NEGR1: variants seen among roughly 807,000 people sequenced by gnomAD.
The protein encoded by NEGR1 is IgLON family member 4.
Under a neutral mutation model 40.9 loss-of-function variants are expected in NEGR1, and 10 were observed. The observed-to-expected ratio is 0.24, with a 90% confidence interval of 0.15 to 0.42. NEGR1 has a LOEUF of 0.42. Among genes scored for constraint, NEGR1 ranks in the 10% least tolerant of loss-of-function variants. NEGR1 has a pLI of 1.00. For missense variants in NEGR1, 352 were observed against 438.9 expected, an observed-to-expected ratio of 0.80 and a Z score of 1.77; for synonymous variants, 185 against 166.8, an observed-to-expected ratio of 1.11 and a Z score of -0.84.
chr1:71,652,999 G>C (rs562864953), intron 4 of NEGR1, among the ~76,000 whole-genome samples: 2 of 152,212 alleles, frequency 1.3e-5, no homozygotes, highest in South Asian at 2.1e-4. Flanking sequence ...GGTATTCACT[G>C]ACTCATTGAC....
chr1:71,420,537 A>G (rs1028881122), intron 6 of NEGR1, among the ~76,000 whole-genome samples: 1 of 152,048 alleles, frequency 6.6e-6, no homozygotes, highest in Non-Finnish European at 1.5e-5. Context: ...TTTTTACAAA[A>G]TCATATGTTA....
chr1:72,206,903 A>G (rs1465720114), intron 1 of NEGR1, among the ~76,000 whole-genome samples: 1 of 152,000 alleles, frequency 6.6e-6, no homozygotes, highest in Non-Finnish European at 1.5e-5. Flanking sequence ...TTGCAGTGGT[A>G]TGAAAAGTAA....
intron 4 of NEGR1, among the ~76,000 whole-genome samples, chr1:71,647,237 C>A (rs1204165758): frequency 6.6e-6 from 1 of 151,844 alleles, no homozygotes; most frequent in East Asian, 1.9e-4. Context: ...TTCTTGAGAA[C>A]CAACTGGGTC....
chr1:71,466,385 C>G (rs1382857549), intron 6 of NEGR1, among the ~76,000 whole-genome samples: 4 of 152,044 alleles, frequency 2.6e-5, no homozygotes, highest in Non-Finnish European at 5.9e-5. Context: ...CAGGCATTTA[C>G]TTAACAAAAC....
intron 1 of NEGR1, among the ~76,000 whole-genome samples, chr1:72,252,751 C>A (rs1043203672): frequency 6.6e-6 from 1 of 152,022 alleles, no homozygotes; most frequent in African/African-American, 2.4e-5. Flanking sequence ...CATTAGGACC[C>A]ATGTCCATTT....
chr1:71,728,700 C>T (rs1654756046), intron 3 of NEGR1, among the ~76,000 whole-genome samples: 1 of 152,116 alleles, frequency 6.6e-6, no homozygotes, highest in Non-Finnish European at 1.5e-5. Flanking sequence ...AAGAAAGGAA[C>T]ATTGATTGCC....
At chr1:71,896,476 A>AT (rs1364845816) in intron 2 of NEGR1, among the ~76,000 whole-genome samples, 32 of 152,098 alleles carry the variant, frequency 2.1e-4, no homozygotes, top group Admixed American at 2.1e-3. Context: ...TAATACAAAT[A>AT]TTTTCTCCCA....
At chr1:72,090,352 A>ATTC (rs2100543055) in intron 1 of NEGR1, among the ~76,000 whole-genome samples, 1 of 146,766 alleles carries the variant, frequency 6.8e-6, no homozygotes, top group East Asian at 1.9e-4. Flanking sequence ...TTATAAAATA[A>ATTC]TTCTTTTTTT....
chr1:72,076,029 T>C (rs1049773127), intron 1 of NEGR1, among the ~76,000 whole-genome samples: 1 of 152,138 alleles, frequency 6.6e-6, no homozygotes, highest in African/African-American at 2.4e-5. Flanking sequence ...CCAAATAATA[T>C]AAGTAAAACA....
At chr1:72,120,477 T>A (rs1463839272) in intron 1 of NEGR1, among the ~76,000 whole-genome samples, 2 of 151,968 alleles carry the variant, frequency 1.3e-5, no homozygotes, top group Non-Finnish European at 2.9e-5. Context: ...TAATGTTTTA[T>A]ATATCTGCAC....
At chr1:72,174,208 C>A (rs949087619) in intron 1 of NEGR1, among the ~76,000 whole-genome samples, 1 of 152,054 alleles carries the variant, frequency 6.6e-6, no homozygotes, top group African/African-American at 2.4e-5. Context: ...AGGTTCACAG[C>A]CAAACTGAGT....
chr1:72,108,525 C>G (rs1327723450), intron 1 of NEGR1, among the ~76,000 whole-genome samples: 1 of 151,452 alleles, frequency 6.6e-6, no homozygotes, highest in Non-Finnish European at 1.5e-5. Flanking sequence ...AATGACTCAT[C>G]ATAATTCATT....
intron 1 of NEGR1, among the ~76,000 whole-genome samples, chr1:72,080,389 T>A (rs539937972): frequency 1.1e-4 from 16 of 152,166 alleles, no homozygotes; most frequent in African/African-American, 3.6e-4. Context: ...ATTTAATGAT[T>A]TTTATGTTCT....
chr1:71,541,107 C>T (rs942019291), intron 6 of NEGR1, among the ~76,000 whole-genome samples: 1 of 151,592 alleles, frequency 6.6e-6, no homozygotes, highest in Non-Finnish European at 1.5e-5. Flanking sequence ...GAGATTTAAG[C>T]GGGGACAAAT....
chr1:71,915,677 G>A lies in NEGR1; in HGVS notation c.409+19402C>T, dbSNP rs115792233. ...GTGGCAGAGCCAAGGTCCACGTTCA[G>A]ATAAGTCTTACTCCAGCACGTTCAT... On this transcript the variant is annotated intron_variant, in intron 2 of 6. Coordinates refer to ENST00000357731, the MANE Select transcript of NEGR1 (RefSeq NM_173808.3). 7.3e-3 allele frequency among the ~76,000 whole-genome samples: 1,117 copies of A among 152,208 alleles called. 13 individuals are homozygous for A. Among genetic ancestry groups the A allele is most frequent in the African/African-American group, 0.026 (1,064 of 41,532 alleles).
At chr1:72,120,747 G>C (rs1649770521) in intron 1 of NEGR1, among the ~76,000 whole-genome samples, 1 of 151,828 alleles carries the variant, frequency 6.6e-6, no homozygotes, top group Non-Finnish European at 1.5e-5. Context: ...ACCTATGAGT[G>C]AGATGCTCAT....
At chr1:71,524,609 G>A (rs1049801451) in intron 6 of NEGR1, among the ~76,000 whole-genome samples, 1 of 151,524 alleles carries the variant, frequency 6.6e-6, no homozygotes, top group Non-Finnish European at 1.5e-5. Context: ...TGTTCACCTG[G>A]TATGGTTTAC....
At chr1:71,818,645 C>T (rs1350831429) in intron 2 of NEGR1, among the ~76,000 whole-genome samples, 1 of 151,684 alleles carries the variant, frequency 6.6e-6, no homozygotes, top group Non-Finnish European at 1.5e-5. Context: ...TGCATTTTAC[C>T]TATATAATGA....
At chr1:71,865,413 G>T (rs752286679) in intron 2 of NEGR1, among the ~76,000 whole-genome samples, 4 of 152,054 alleles carry the variant, frequency 2.6e-5, no homozygotes, top group African/African-American at 4.8e-5. Flanking sequence ...TCATAAAAAA[G>T]GATGAGTTCA....
Sources: gnomAD v4.1 joint callset for allele counts (sites outside exome capture counted in the v4.1 genomes callset) on GRCh38, gnomAD v4.1.1 for gene constraint, MANE v1.5 for transcripts, NCBI Gene and HGNC (gene_info 2026-07-23, HGNC 2026-07-21) for gene names.